Variants in VANGL2 observed in about 807,000 individuals in gnomAD.
VANGL2 encodes vang-like protein 2.
Under a neutral mutation model 50.2 loss-of-function variants are expected in VANGL2, and 14 were observed. The observed-to-expected ratio is 0.28, with a 90% confidence interval of 0.18 to 0.44. The LOEUF is 0.44. VANGL2 is among the 20% of genes least tolerant of loss of function. The pLI, the probability that VANGL2 is intolerant of heterozygous loss-of-function variation, is 1.00. For synonymous variants in VANGL2, 295 were observed against 297.2 expected (o/e 0.99, Z 0.08); for missense variants, 533 against 701.5 (o/e 0.76, Z 2.71).
intron 1 of VANGL2, among the ~76,000 whole-genome samples, chr1:160,410,216 C>T (rs145985872): frequency 3.3e-5 from 5 of 152,236 alleles, no homozygotes; most frequent in East Asian, 1.9e-4. Flanking sequence ...TCTTTCCCAT[C>T]GTCTTCCCGT....
In VANGL2 at chr1:160,419,262, T is replaced by C; in HGVS notation, c.453T>C (p.Ser151=). The C allele has an allele frequency of 1.2e-6, 2 of 1,607,954 alleles. No individual in the cohort carries two copies. The highest frequency in any genetic ancestry group is 1.7e-6 in the Non-Finnish European group (2 of 1,179,996). The part of the protein sequence containing the change: ...CGTACEGLFI[S]VAFKLLILLL... ...CGGCCTGCGAGGGCCTCTTCATCTC[T>C]GTCGCCTTCAAGCTGCTCATCCTGC... Residue 151 remains serine (S), a synonymous_variant, in exon 4 of 8, where the codon TCT becomes TCC. Coordinates refer to ENST00000368061, the MANE Select transcript of VANGL2 (RefSeq NM_020335.3). This position sits in a 1 kb window ranked among gnomAD's most constrained non-coding sequence, Gnocchi z 5.8.
At chr1:160,411,921 G>T (rs1000951180) in intron 1 of VANGL2, among the ~76,000 whole-genome samples, 5 of 151,932 alleles carry the variant, frequency 3.3e-5, no homozygotes, top group Non-Finnish European at 5.9e-5. Context: ...TAACAGCAGG[G>T]TTTATTTATA....
In VANGL2 at chr1:160,425,205, G is replaced by A. The variant is rs763838210; in HGVS notation, c.1393G>A (p.Glu465Lys). 12 of 1,614,014 alleles carry A rather than the reference G, an allele frequency of 7.4e-6. No homozygotes were observed. Among genetic ancestry groups the A allele is most frequent in the African/African-American group, 4.0e-5 (3 of 74,900 alleles). ...GGCCAAACAGTGGACATTGGTGAGC[G>A]AGGAGCCGGTGACCAACGGCCTCAA... ...WLAKQWTLVS[E>K]EPVTNGLKDG... Residue 465 changes from glutamate to lysine, a missense_variant, in exon 8 of 8, where the codon GAG (glutamate) becomes AAG (lysine). Transcript: ENST00000368061.
At position 160,419,752 on chromosome 1, in the gene VANGL2, C is replaced by G; in HGVS notation, c.800+143C>G. 3 of 1,292,208 alleles carry G rather than the reference C, an allele frequency of 2.3e-6. No homozygotes were observed. In the South Asian group the frequency reaches 4.6e-5, roughly 20 times the overall value. The allele number at this position is 1,292,208 out of a possible 1,614,324, so 80.0% of individuals were successfully genotyped here. ...TGGGAGGGAGTTGAGTACTTTGCAC[C>G]AAGTAGGTTTTCACCAATGTTTGCT... is the stretch of plus-strand genomic sequence containing the variant. On this transcript the variant is annotated intron_variant, in intron 4 of 7. Coordinates refer to ENST00000368061, the MANE Select transcript of VANGL2 (RefSeq NM_020335.3). This position sits in a 1 kb window ranked among gnomAD's most constrained non-coding sequence, Gnocchi z 5.8.
At chr1:160,420,358 T>A in intron 4 of VANGL2, 53 bp from the exon 5 acceptor site, 5 of 1,612,048 alleles carry the variant, frequency 3.1e-6, no homozygotes, top group Non-Finnish European at 4.2e-6. Context: ...CCCTTTCCCC[T>A]GTGCCCCTTG....
At position 160,416,103 on chromosome 1, in the gene VANGL2, G is replaced by A. The variant is rs1651047675; in HGVS notation, c.113G>A (p.Gly38Asp). The A allele has an allele frequency of 1.9e-6, 3 of 1,614,134 alleles. No individual in the cohort carries two copies. The highest frequency in any genetic ancestry group is 2.5e-6 in the Non-Finnish European group (3 of 1,180,044). Residue 38 changes from glycine (G) to aspartate (D), a missense_variant, in exon 3 of 8, where the codon GGC becomes GAC. Transcript: ENST00000368061. ...CACCGCTCTAAGAGTCGAGATGGGG[G>A]CCGAGGGGACAAGTCGGTGACAATC... ...DRHRSKSRDG[G>D]RGDKSVTIQA...
intron 5 of VANGL2, 44 bp from the exon 6 acceptor site, chr1:160,421,008 C>T (rs1190938813): frequency 3.1e-6 from 5 of 1,612,884 alleles, no homozygotes; most frequent in Middle Eastern, 1.7e-4. Flanking sequence ...GGAAGAGAGG[C>T]CACACTCTGA....
chr1:160,405,680 C>G (rs11265387), intron 1 of VANGL2, among the ~76,000 whole-genome samples: 16,868 of 151,280 alleles, frequency 0.11, 1,137 homozygotes, highest in African/African-American at 0.17. Flanking sequence ...GGCTTGGGGC[C>G]TCCTTCCCCT....
At chr1:160,418,451 GT>G (rs938415679) in intron 3 of VANGL2, among the ~76,000 whole-genome samples, 3 of 151,100 alleles carry the variant, frequency 2.0e-5, no homozygotes, top group African/African-American at 7.3e-5. Context: ...CATCTGGGGA[GT>G]TTTTTGTTTT....
Position 160,425,312 on chromosome 1 carries a change from C to G in VANGL2, c.1500C>G (p.Ser500=), listed in dbSNP as rs139858302. The G allele has an allele frequency of 6.2e-7, 1 of 1,612,966 alleles. No individual in the cohort carries two copies. The highest frequency in any genetic ancestry group is 1.3e-5 in the African/African-American group (1 of 74,554). Residue 500 remains serine, a synonymous_variant, in exon 8 of 8, where the codon TCC becomes TCG. Coordinates refer to ENST00000368061, the MANE Select transcript of VANGL2 (RefSeq NM_020335.3). ...STKKVPFFKL[S]EEFVDPKSHK... ...AGAAGGTCCCATTCTTCAAACTCTC[C>G]GAGGAATTTGTGGATCCCAAGTCAC...
chr1:160,425,337 C>T lies in VANGL2; in HGVS notation c.1525C>T (p.His509Tyr). Residue 509 changes from histidine to tyrosine, a missense_variant, in exon 8 of 8, where the codon CAC becomes TAC. His to Tyr is a moderately conservative substitution (Grantham distance 83). Transcript: ENST00000368061. Reference sequence around the variant, plus strand: ...CGAGGAATTTGTGGATCCCAAGTCACACAAGTTTGTCATGAGGCTGCAGTC... The same window carrying T: ...CGAGGAATTTGTGGATCCCAAGTCATACAAGTTTGTCATGAGGCTGCAGTC... Reference protein sequence around the residue: ...LSEEFVDPKSHKFVMRLQSET... With the variant: ...LSEEFVDPKSYKFVMRLQSET... 6.2e-7 allele frequency: 1 copy of T among 1,608,642 alleles called. No individual in the cohort carries two copies. The highest frequency in any genetic ancestry group is 1.1e-5 in the South Asian group (1 of 90,994).
intron 1 of VANGL2, among the ~76,000 whole-genome samples, chr1:160,402,159 G>A (rs1163572296): frequency 1.3e-5 from 2 of 152,106 alleles, no homozygotes; most frequent in Non-Finnish European, 2.9e-5. Flanking sequence ...AAGAGGGCGT[G>A]TGTTGTGGGG....
chr1:160,408,443 G>T (rs1250985546), intron 1 of VANGL2, among the ~76,000 whole-genome samples: 4 of 152,154 alleles, frequency 2.6e-5, no homozygotes, highest in African/African-American at 9.7e-5. Flanking sequence ...GCAAGCTCAG[G>T]TATCCTGGCC....
chr1:160,416,083 C>T lies in VANGL2; in HGVS notation c.93C>T (p.Arg31=). The T allele has an allele frequency of 6.2e-7, 1 of 1,614,246 alleles. No homozygotes were observed. Among genetic ancestry groups the T allele is most frequent in the Middle Eastern group, 1.6e-4 (1 of 6,062 alleles). Residue 31 remains arginine, a synonymous_variant, in exon 3 of 8, where the codon CGC becomes CGT. Transcript: ENST00000368061. ...RKHRDRRDRH[R]SKSRDGGRGD... ...GCAGGGACCGCCGGGACCGACACCG[C>T]TCTAAGAGTCGAGATGGGGGCCGAG...
At chr1:160,410,140 G>A (rs543145345) in intron 1 of VANGL2, among the ~76,000 whole-genome samples, 63 of 152,208 alleles carry the variant, frequency 4.1e-4, no homozygotes, top group Non-Finnish European at 8.2e-4. Flanking sequence ...CCCTGACTAC[G>A]GAGAGAAAAA....
intron 1 of VANGL2, among the ~76,000 whole-genome samples, chr1:160,408,168 G>GT (rs1200390599): frequency 6.6e-6 from 1 of 151,904 alleles, no homozygotes; most frequent in Non-Finnish European, 1.5e-5. Flanking sequence ...TGGGATGGGG[G>GT]TGGGGGTGCC....
intron 1 of VANGL2, among the ~76,000 whole-genome samples, chr1:160,404,222 G>A (rs1207982770): frequency 1.3e-5 from 2 of 152,162 alleles, no homozygotes; most frequent in African/African-American, 2.4e-5. Flanking sequence ...AGGGGATGGA[G>A]GGGCAAATAA....
rs1651367545 is a variant in VANGL2, at chr1:160,424,129, T to TGATGGACCCCCGGGAGGC, written c.1152_1169dup (p.Met385_Ala390dup). ...GAGGAGCAGAAAAACCCCAGGGAGG[T>TGATGGACCCCCGGGAGGC]GATGGACCCCCGGGAGGCAGCCCAA... On this transcript the variant is annotated inframe_insertion, in exon 7 of 8. Coordinates refer to ENST00000368061, the MANE Select transcript of VANGL2 (RefSeq NM_020335.3). The TGATGGACCCCCGGGAGGC allele has an allele frequency of 6.2e-7, 1 of 1,613,728 alleles. No homozygotes were observed. Among genetic ancestry groups the TGATGGACCCCCGGGAGGC allele is most frequent in the African/African-American group, 1.3e-5 (1 of 74,816 alleles).
At chr1:160,424,661 C>A (rs1385062067) in intron 7 of VANGL2, among the ~76,000 whole-genome samples, 1 of 152,218 alleles carries the variant, frequency 6.6e-6, no homozygotes, top group Non-Finnish European at 1.5e-5. Flanking sequence ...AACTCTATTG[C>A]CAGCTTCCTA....
Sources: gnomAD v4.1 joint callset for allele counts (sites outside exome capture counted in the v4.1 genomes callset) on GRCh38, gnomAD v4.1.1 for gene constraint, Gnocchi (gnomAD v3.1) non-coding constraint, MANE v1.5 for transcripts, NCBI Gene and HGNC (gene_info 2026-07-23, HGNC 2026-07-21) for gene names.